NUMA1: variants seen among roughly 807,000 people sequenced by gnomAD.
NUMA1 encodes nuclear mitotic apparatus protein 1.
In NUMA1, 62 loss-of-function variants were observed where a neutral mutation model predicts 237.1. That is an observed-to-expected ratio of 0.26 (90% CI 0.21 to 0.32). NUMA1 has a LOEUF of 0.32. Among genes scored for constraint, NUMA1 ranks in the 10% least tolerant of loss-of-function variants. The pLI is 1.00. For synonymous variants in NUMA1, 1,028 were observed against 1,066.1 expected, an observed-to-expected ratio of 0.96 and a Z score of 0.70; for missense variants, 2,533 against 2,666.5, an observed-to-expected ratio of 0.95 and a Z score of 1.10.
intron 3 of NUMA1, among the ~76,000 whole-genome samples, chr11:72,034,065 T>C (rs1391728950): frequency 1.3e-5 from 2 of 152,138 alleles, no homozygotes; most frequent in African/African-American, 2.4e-5. Context: ...CAATGAACTA[T>C]GATTACATCA....
At chr11:72,035,786 A>G (rs920921657) in intron 3 of NUMA1, 116 bp downstream of exon 3, 13 of 922,218 alleles carry the variant, frequency 1.4e-5, no homozygotes, top group Non-Finnish European at 2.1e-5. Context: ...AAGGAAAACT[A>G]TTTAGTCTAG....
chr11:72,007,587 A>G, intron 20 of NUMA1, 152 bp from the exon 21 acceptor site: 2 of 963,910 alleles, frequency 2.1e-6, no homozygotes, highest in Non-Finnish European at 3.1e-6. Flanking sequence ...CAAGGAAAGC[A>G]CTTGACCTGG....
chr11:72,075,198 C>T (rs1475069743), intron 1 of NUMA1, among the ~76,000 whole-genome samples: 1 of 152,162 alleles, frequency 6.6e-6, no homozygotes, highest in Non-Finnish European at 1.5e-5. Flanking sequence ...TATTGTCTCT[C>T]AGCTCCAAAT....
Position 72,015,262 on chromosome 11 carries a change from C to T in NUMA1, c.2241G>A (p.Val747=). ...SELKAETRSL[V]EQHKRERKEL... ...CCTTTCGTTCCCGCTTATGCTGCTC[C>T]ACCAGGCTTCGGGTCTCTGCCTTCA... Residue 747 remains valine, a synonymous_variant, in exon 15 of 27, where the codon GTG becomes GTA. Coordinates refer to ENST00000393695, the MANE Select transcript of NUMA1 (RefSeq NM_006185.4). This position sits in a 1 kb window ranked among gnomAD's most constrained non-coding sequence, Gnocchi z 4.0. 2 of 1,613,686 alleles carry T rather than the reference C, an allele frequency of 1.2e-6. No homozygotes were observed. Among genetic ancestry groups the T allele is most frequent in the South Asian group, 1.1e-5 (1 of 91,090 alleles).
At chr11:72,023,000 A>C in intron 6 of NUMA1, 65 bp downstream of exon 6, 1 of 1,149,894 alleles carries the variant, frequency 8.7e-7, no homozygotes, top group Non-Finnish European at 1.3e-6. Context: ...AAGGCCCTGC[A>C]GGGTCCCTCA....
intron 2 of NUMA1, among the ~76,000 whole-genome samples, chr11:72,061,907 C>A (rs1323021852): frequency 6.6e-6 from 1 of 152,092 alleles, no homozygotes; most frequent in East Asian, 1.9e-4. Flanking sequence ...TGCTAAACAC[C>A]CCCAACAAAC....
intron 2 of NUMA1, among the ~76,000 whole-genome samples, chr11:72,046,017 C>T (rs566442266): frequency 5.9e-5 from 9 of 152,210 alleles, no homozygotes; most frequent in Non-Finnish European, 8.8e-5. Context: ...AGAGGCTGAA[C>T]CTTCCCCTAG....
At chr11:72,054,086 G>A (rs568372494) in intron 2 of NUMA1, among the ~76,000 whole-genome samples, 3 of 152,298 alleles carry the variant, frequency 2.0e-5, no homozygotes, top group African/African-American at 7.2e-5. Flanking sequence ...AATGAAGAAT[G>A]AGAAAAGGAA....
At position 72,003,146 on chromosome 11, in the gene NUMA1, AG is replaced by A; in HGVS notation, c.*380del. On this transcript the variant is annotated 3_prime_UTR_variant, in exon 27 of 27. Coordinates refer to ENST00000393695, the MANE Select transcript of NUMA1 (RefSeq NM_006185.4). ...TGCTGGGCCCAGCCACCAGGACAGC[AG>A]GAACCAGGGCCTACTCCTCTTATGG... 1 of 289,538 alleles carries A rather than the reference AG, an allele frequency of 3.5e-6. No homozygotes were observed. The allele number at this position is 289,538 out of a possible 1,614,324, so 17.9% of individuals were successfully genotyped here.
intron 16 of NUMA1, among the ~76,000 whole-genome samples, chr11:72,011,727 C>T (rs1956175129): frequency 6.6e-6 from 1 of 152,146 alleles, no homozygotes; most frequent in South Asian, 2.1e-4. Flanking sequence ...GCTCTATAGC[C>T]TCGATGTCTC....
chr11:72,074,916 C>G lies in NUMA1; in HGVS notation c.-102-5005G>C, dbSNP rs935891104. Among the ~76,000 whole-genome samples the G allele has an allele frequency of 1.3e-5, 2 of 152,050 alleles. 1 individual carries two copies. Among genetic ancestry groups the G allele is most frequent in the South Asian group, 4.1e-4 (2 of 4,822 alleles). On this transcript the variant is annotated intron_variant, in intron 1 of 26. Coordinates refer to ENST00000393695, the MANE Select transcript of NUMA1 (RefSeq NM_006185.4). ...GGTTGCAGTGGCACGTGCCTGTAAT[C>G]CCAGCTACTTGGGAGGCTGAGACAG...
At chr11:72,075,192 G>C (rs929353935) in intron 1 of NUMA1, among the ~76,000 whole-genome samples, 1 of 152,118 alleles carries the variant, frequency 6.6e-6, no homozygotes, top group Non-Finnish European at 1.5e-5. Context: ...TTAAGGTATT[G>C]TCTCTCAGCT....
At chr11:72,012,562 G>T in intron 15 of NUMA1, 120 bp from the exon 16 acceptor site, 2 of 1,004,120 alleles carry the variant, frequency 2.0e-6, no homozygotes, top group Non-Finnish European at 3.0e-6. Flanking sequence ...TAGATTGACA[G>T]TAAGTTTAAA....
intron 1 of NUMA1, among the ~76,000 whole-genome samples, chr11:72,077,105 A>G (rs1183617477): frequency 6.6e-6 from 1 of 152,196 alleles, no homozygotes; most frequent in Non-Finnish European, 1.5e-5. Context: ...TAACACAGAA[A>G]GATAGAAATG....
At chr11:72,019,729 A>ATACTCC in intron 8 of NUMA1, 112 bp from the exon 9 acceptor site, 1 of 1,165,852 alleles carries the variant, frequency 8.6e-7, no homozygotes, top group Non-Finnish European at 1.2e-6. Context: ...ATCCATGGAT[A>ATACTCC]CTTATATGTA....
rs1956490993 is a variant in NUMA1, at chr11:72,015,804, ACTGCTG to A, written c.1693_1698del (p.Gln565_Gln566del). The A allele has an allele frequency of 6.2e-7, 1 of 1,613,866 alleles. No individual in the cohort carries two copies. On this transcript the variant is annotated inframe_deletion, in exon 15 of 27. Transcript: ENST00000393695. The surrounding 1 kb of genome is among the most constrained non-coding windows in gnomAD (Gnocchi z 4.0). ...TCCTGCTTCTCCGCTACCTCCTTCA[ACTGCTG>A]CTCCTTCTGCTTCAGGCTACTGCTT...
chr11:72,012,455 G>A lies in NUMA1; in HGVS notation c.4609-13C>T. ...CTAGCTGCTCCACCTGTACATGGGG[G>A]AGGAGCAACAGAGACAGAGTGAGAT... On this transcript the variant is annotated splice_polypyrimidine_tract_variant and intron_variant, in intron 15 of 26. Transcript: ENST00000393695. 1 of 1,611,666 alleles carries A rather than the reference G, an allele frequency of 6.2e-7. No homozygotes were observed.
chr11:72,003,450 G>T lies in NUMA1; in HGVS notation c.*77C>A. 1 of 1,430,532 alleles carries T rather than the reference G, an allele frequency of 7.0e-7. No homozygotes were observed. The highest frequency in any genetic ancestry group is 9.9e-7 in the Non-Finnish European group (1 of 1,011,860). The allele number at this position is 1,430,532 out of a possible 1,614,324, so 88.6% of individuals were successfully genotyped here. A position where few individuals can be genotyped will look rare whatever the true frequency, so the allele number is the denominator to read the frequency against. ...GGCCTGGGAGCTGAGAGAAGGCACT[G>T]AGAGGGACAGTAGGCGGAGGACCAG... On this transcript the variant is annotated 3_prime_UTR_variant, in exon 27 of 27. Transcript: ENST00000393695.
chr11:72,003,521 G>C lies in NUMA1; in HGVS notation c.*6C>G, dbSNP rs764785811. On this transcript the variant is annotated 3_prime_UTR_variant, in exon 27 of 27. Transcript: ENST00000393695. ...ACAGGTGGGGCCACTCACTGGTACTGGCCCTTTAGTGCTTTGCCTGAAAGA... is the reference window on the plus strand; with the variant it reads ...ACAGGTGGGGCCACTCACTGGTACTCGCCCTTTAGTGCTTTGCCTGAAAGA... 3.1e-6 allele frequency: 5 copies of C among 1,613,922 alleles called. No homozygotes were observed. The African/African-American group carries it at 6.7e-5, about 22-fold the overall frequency.
Sources: gnomAD v4.1 joint callset for allele counts (sites outside exome capture counted in the v4.1 genomes callset) on GRCh38, gnomAD v4.1.1 for gene constraint, Gnocchi (gnomAD v3.1) non-coding constraint, MANE v1.5 for transcripts, NCBI Gene and HGNC (gene_info 2026-07-23, HGNC 2026-07-21) for gene names.